Variants in ATP2A1 observed in about 807,000 individuals in gnomAD.
ATP2A1 encodes the protein sarcoplasmic/endoplasmic reticulum calcium ATPase 1.
A neutral mutation model predicts 109.5 loss-of-function variants in ATP2A1; 83 were observed. That is an observed-to-expected ratio of 0.76 (90% CI 0.63 to 0.91). ATP2A1 has a LOEUF of 0.91. Among genes scored for constraint, ATP2A1 ranks in the 40% least tolerant of loss-of-function variants. ATP2A1 has a pLI of 0.00. For missense variants in ATP2A1, 1,101 were observed against 1,341.0 expected, an observed-to-expected ratio of 0.82 and a Z score of 2.80; for synonymous variants, 505 against 537.6, an observed-to-expected ratio of 0.94 and a Z score of 0.84.
At chr16:28,896,001 G>A (rs1963908129) in intron 12 of ATP2A1, among the ~76,000 whole-genome samples, 1 of 152,144 alleles carries the variant, frequency 6.6e-6, no homozygotes, top group South Asian at 2.1e-4. Context: ...CCAGGCTGGA[G>A]TGCAATGGCT....
Position 28,887,669 on chromosome 16 carries a change from C to T in ATP2A1, c.875C>T (p.Ala292Val). ...CATGGGGGCTCCTGGTTCCGCGGGGCCATCTACTACTTTAAGATTGCCGTG... is the reference window on the plus strand; with the variant it reads ...CATGGGGGCTCCTGGTTCCGCGGGGTCATCTACTACTTTAAGATTGCCGTG... ...PVHGGSWFRG[A>V]IYYFKIAVAL... Residue 292 changes from alanine (A) to valine (V), a missense_variant, in exon 8 of 23, where the codon GCC (alanine) becomes GTC (valine). Ala to Val is a moderately conservative substitution (Grantham distance 64). Transcript: ENST00000395503. 6.2e-7 allele frequency: 1 copy of T among 1,614,154 alleles called. No individual in the cohort carries two copies. Among genetic ancestry groups the T allele is most frequent in the South Asian group, 1.1e-5 (1 of 91,090 alleles).
Position 28,894,942 on chromosome 16 carries a change from G to T in ATP2A1, c.1408G>T (p.Ala470Ser). Residue 470 changes from alanine to serine, a missense_variant, in exon 12 of 23, where the codon GCC becomes TCC. Transcript: ENST00000395503. Reference protein sequence around the residue: ...RSLSKVERANACNSVIRQLMK... With the variant: ...RSLSKVERANSCNSVIRQLMK... ...CCTCTCGAAGGTGGAGAGAGCCAACGCCTGCAACTCGGTGAGCCTGCGGAG... is the reference window on the plus strand; with the variant it reads ...CCTCTCGAAGGTGGAGAGAGCCAACTCCTGCAACTCGGTGAGCCTGCGGAG... The T allele has an allele frequency of 6.2e-7, 1 of 1,611,756 alleles. No individual in the cohort carries two copies. Among genetic ancestry groups the T allele is most frequent in the Non-Finnish European group, 8.5e-7 (1 of 1,180,010 alleles).
At position 28,902,377 on chromosome 16, in the gene ATP2A1, G is replaced by A. The variant is rs1237846976; in HGVS notation, c.2515G>A (p.Ala839Thr). ...ISGWLFFRYMAIGGYVGAATV... is the reference protein window; with the variant it reads ...ISGWLFFRYMTIGGYVGAATV... Reference sequence around the variant, plus strand: ...TGGCTGGCTCTTCTTCCGCTACATGGCAATCGGGGGTGAGCTGGAGGGGTT... The same window carrying A: ...TGGCTGGCTCTTCTTCCGCTACATGACAATCGGGGGTGAGCTGGAGGGGTT... Residue 839 changes from alanine (A) to threonine (T), a missense_variant, in exon 17 of 23, where the codon GCA becomes ACA. Ala to Thr is a moderately conservative substitution (Grantham distance 58). Coordinates refer to ENST00000395503, the MANE Select transcript of ATP2A1 (RefSeq NM_004320.6). The surrounding 1 kb of genome is among the most constrained non-coding windows in gnomAD (Gnocchi z 4.8). The A allele has an allele frequency of 1.9e-6, 3 of 1,613,984 alleles. No individual in the cohort carries two copies. The highest frequency in any genetic ancestry group is 2.5e-6 in the Non-Finnish European group (3 of 1,179,954).
chr16:28,879,306 A>G (rs1348371194), intron 2 of ATP2A1, 190 bp downstream of exon 2: 3 of 860,994 alleles, frequency 3.5e-6, no homozygotes, highest in Non-Finnish European at 5.7e-6. Context: ...GAAGCAGCCA[A>G]CCCTTGAACT....
At chr16:28,882,651 C>CG (rs1258934929) in intron 5 of ATP2A1, 62 bp downstream of exon 5, 1 of 1,599,726 alleles carries the variant, frequency 6.3e-7, no homozygotes, top group African/African-American at 1.3e-5. Flanking sequence ...TAGGAGATGC[C>CG]GGGGGCTGGT....
At chr16:28,889,350 G>A (rs544659811) in intron 9 of ATP2A1, among the ~76,000 whole-genome samples, 4 of 152,158 alleles carry the variant, frequency 2.6e-5, no homozygotes, top group African/African-American at 7.2e-5. Flanking sequence ...TCTGCCTCCC[G>A]GGTTCAAGCG....
intron 9 of ATP2A1, among the ~76,000 whole-genome samples, chr16:28,890,978 C>T (rs528056517): frequency 1.3e-5 from 2 of 151,908 alleles, no homozygotes; most frequent in Non-Finnish European, 2.9e-5. Flanking sequence ...TGAGCCACTG[C>T]GCCCGGCCAG....
chr16:28,882,463 G>A lies in ATP2A1; in HGVS notation c.337G>A (p.Glu113Lys). The A allele has an allele frequency of 6.2e-7, 1 of 1,614,200 alleles. No individual in the cohort carries two copies. Among genetic ancestry groups the A allele is most frequent in the Middle Eastern group, 1.6e-4 (1 of 6,062 alleles). ...IVGVWQERNA[E>K]NAIEALKEYE... is the part of the protein sequence containing the mutation. ...CCTGTCTCCTCAGGAGCGGAACGCA[G>A]AGAACGCCATCGAGGCCCTGAAGGA... is the stretch of plus-strand genomic sequence containing the variant. Residue 113 changes from glutamate to lysine, a missense_variant, in exon 5 of 23, where the codon GAG becomes AAG. Glu to Lys is a moderately conservative substitution (Grantham distance 56). Transcript: ENST00000395503.
chr16:28,879,728 T>A lies in ATP2A1; in HGVS notation c.219+145T>A, dbSNP rs536744428. On this transcript the variant is annotated intron_variant, in intron 3 of 22. Transcript: ENST00000395503. Reference sequence around the variant, plus strand: ...GGGCGGGCTGGCGCGCAGCAGCGGGTGTGATTCGCGTCCTCCTCTCTCCTC... The same window carrying A: ...GGGCGGGCTGGCGCGCAGCAGCGGGAGTGATTCGCGTCCTCCTCTCTCCTC... 298 of 984,494 alleles carry A rather than the reference T, an allele frequency of 3.0e-4. 2 individuals are homozygous for A. Among genetic ancestry groups the A allele is most frequent in the Middle Eastern group, 2.4e-3 (8 of 3,310 alleles). The allele number at this position is 984,494 out of a possible 1,614,324, so 61.0% of individuals were successfully genotyped here. A position where few individuals can be genotyped will look rare whatever the true frequency, so the allele number is the denominator to read the frequency against.
intron 9 of ATP2A1, among the ~76,000 whole-genome samples, chr16:28,889,637 G>A (rs1963714468): frequency 6.6e-6 from 1 of 152,170 alleles, no homozygotes; most frequent in Non-Finnish European, 1.5e-5. Context: ...ATAAATAACA[G>A]AGTTGAGCTT....
intron 8 of ATP2A1, among the ~76,000 whole-genome samples, chr16:28,888,253 G>A (rs557732134): frequency 3.3e-5 from 5 of 150,984 alleles, no homozygotes; most frequent in Non-Finnish European, 7.4e-5. Flanking sequence ...GGCTGGTCTC[G>A]AACTCCTGGG....
intron 9 of ATP2A1, among the ~76,000 whole-genome samples, chr16:28,893,463 T>C (rs982572643): frequency 6.6e-6 from 1 of 152,070 alleles, no homozygotes; most frequent in Non-Finnish European, 1.5e-5. Flanking sequence ...AACCTGAATT[T>C]CTAGCTCTTC....
At position 28,880,771 on chromosome 16, in the gene ATP2A1, G is replaced by C; in HGVS notation, c.220-144G>C. On this transcript the variant is annotated intron_variant, in intron 3 of 22. Transcript: ENST00000395503. This position sits in a 1 kb window ranked among gnomAD's most constrained non-coding sequence, Gnocchi z 4.2. ...TGGACAGACCCTCAGACGGATGTGGGGCCACAGCGCCCCGACGGTGCCCGG... is the reference window on the plus strand; with the variant it reads ...TGGACAGACCCTCAGACGGATGTGGCGCCACAGCGCCCCGACGGTGCCCGG... The C allele has an allele frequency of 1.3e-6, 1 of 780,466 alleles. No individual in the cohort carries two copies. Among genetic ancestry groups the C allele is most frequent in the South Asian group, 1.5e-5 (1 of 68,690 alleles). The allele number at this position is 780,466 out of a possible 1,614,324, so 48.3% of individuals were successfully genotyped here. A position where few individuals can be genotyped will look rare whatever the true frequency, so the allele number is the denominator to read the frequency against.
In ATP2A1 at chr16:28,894,213, C is replaced by T. The variant is rs1240931705; in HGVS notation, c.1154C>T (p.Thr385Ile). Reference protein sequence around the residue: ...DICLLNEFSITGSTYAPEGEV... With the variant: ...DICLLNEFSIIGSTYAPEGEV... Reference sequence around the variant, plus strand: ...TGCCTCCTGAATGAGTTCTCCATCACCGGCTCCACTTACGCTCCAGAGGGA... The same window carrying T: ...TGCCTCCTGAATGAGTTCTCCATCATCGGCTCCACTTACGCTCCAGAGGGA... Residue 385 changes from threonine to isoleucine, a missense_variant, in exon 10 of 23, where the codon ACC (threonine) becomes ATC (isoleucine). Physicochemically the swap from Thr to Ile is moderately conservative, Grantham distance 89. Transcript: ENST00000395503. The T allele has an allele frequency of 6.2e-7, 1 of 1,614,038 alleles. No individual in the cohort carries two copies. Among genetic ancestry groups the T allele is most frequent in the South Asian group, 1.1e-5 (1 of 91,054 alleles).
chr16:28,904,418 G>C lies in ATP2A1; in HGVS notation c.*276G>C, dbSNP rs549037508. 1.8e-5 allele frequency: 28 copies of C among 1,533,568 alleles called. No homozygotes were observed. In the East Asian group the frequency reaches 5.6e-4, roughly 31 times the overall value. The allele number at this position is 1,533,568 out of a possible 1,614,324, so 95.0% of individuals were successfully genotyped here. A position where few individuals can be genotyped will look rare whatever the true frequency, so the allele number is the denominator to read the frequency against. ...AGGGGCTTGCAGGGACAAGGCGACC[G>C]ACTGCGCTGAGCTGCTTATTTATTG... is the stretch of plus-strand genomic sequence containing the variant. On this transcript the variant is annotated 3_prime_UTR_variant, in exon 23 of 23. Transcript: ENST00000395503.
At chr16:28,882,320 G>C in intron 4 of ATP2A1, 131 bp from the exon 5 acceptor site, 1 of 1,375,050 alleles carries the variant, frequency 7.3e-7, no homozygotes, top group South Asian at 1.2e-5. Context: ...TTCACCTGTA[G>C]GTGACAGTTT....
chr16:28,902,589 G>A lies in ATP2A1; in HGVS notation c.2534G>A (p.Gly845Asp). 6.2e-7 allele frequency: 1 copy of A among 1,614,042 alleles called. No homozygotes were observed. The highest frequency in any genetic ancestry group is 8.5e-7 in the Non-Finnish European group (1 of 1,179,962). The change falls in exon 18 of 23, where the codon GGT (glycine) becomes GAT (aspartate). Residue 845 changes from glycine (G) to aspartate (D), a missense_variant. Coordinates refer to ENST00000395503, the MANE Select transcript of ATP2A1 (RefSeq NM_004320.6). This position sits in a 1 kb window ranked among gnomAD's most constrained non-coding sequence, Gnocchi z 4.8. ...FRYMAIGGYV[G>D]AATVGAAAWW... ...CCTCTCTCCACCACAGGCTATGTGG[G>A]TGCAGCCACCGTGGGAGCAGCTGCC... is the stretch of plus-strand genomic sequence containing the variant.
intron 9 of ATP2A1, among the ~76,000 whole-genome samples, chr16:28,891,020 G>A (rs554075896): frequency 3.3e-5 from 5 of 152,240 alleles, no homozygotes; most frequent in African/African-American, 9.6e-5. Flanking sequence ...AGGAAGCTGG[G>A]CACGGTGGCT....
At chr16:28,879,232 A>T in intron 2 of ATP2A1, 116 bp downstream of exon 2, 1 of 1,346,376 alleles carries the variant, frequency 7.4e-7, no homozygotes, top group Non-Finnish European at 1.1e-6. Context: ...CCCAAAAGGC[A>T]AATCTCCCTC....
Sources: allele counts gnomAD v4.1 joint callset (sites outside exome capture counted in the v4.1 genomes callset), GRCh38; gene constraint gnomAD v4.1.1; non-coding constraint Gnocchi (gnomAD v3.1); transcripts MANE v1.5; gene names NCBI Gene and HGNC (gene_info 2026-07-23, HGNC 2026-07-21).